UGCG: variants seen among roughly 807,000 people sequenced by gnomAD.
The protein encoded by UGCG is ceramide glucosyltransferase.
A neutral mutation model predicts 49.5 loss-of-function variants in UGCG; 10 were observed. The ratio of observed to expected loss-of-function variants is 0.20; its 90% confidence interval spans 0.12 to 0.34. UGCG has a LOEUF of 0.34. Ranked by LOEUF, UGCG falls within the 10% of genes least tolerant of loss-of-function variation. The pLI is 1.00. For missense variants in UGCG, 312 were observed against 483.7 expected (o/e 0.65, Z 3.33); for synonymous variants, 182 against 158.2 (o/e 1.15, Z -1.13).
At chr9:111,921,110 C>T (rs1360818408) in intron 2 of UGCG, among the ~76,000 whole-genome samples, 1 of 151,806 alleles carries the variant, frequency 6.6e-6, no homozygotes, top group Non-Finnish European at 1.5e-5. Context: ...CACCATGTTT[C>T]CCAGGCTGGT....
chr9:111,899,378 T>G lies in UGCG; in HGVS notation c.98+2065T>G, dbSNP rs190215885. Among the ~76,000 whole-genome samples, 8 of 152,364 alleles carry G rather than the reference T, an allele frequency of 5.3e-5. 1 individual carries two copies. Among genetic ancestry groups the G allele is most frequent in the Non-Finnish European group, 1.2e-4 (8 of 68,026 alleles). ...ATTTCACTGTTTTCTGTTTCTATTTTCATTCCTTTAAAGTTACATTGAGCA... is the reference window on the plus strand; with the variant it reads ...ATTTCACTGTTTTCTGTTTCTATTTGCATTCCTTTAAAGTTACATTGAGCA... On this transcript the variant is annotated intron_variant, in intron 1 of 8. Transcript: ENST00000374279.
chr9:111,900,945 G>A (rs929203478), intron 1 of UGCG, among the ~76,000 whole-genome samples: 6 of 151,592 alleles, frequency 4.0e-5, no homozygotes, highest in African/African-American at 1.5e-4. Context: ...TCCCAGGCTC[G>A]AGCAATTCTC....
chr9:111,924,719 C>A, intron 3 of UGCG, 58 bp from the exon 4 acceptor site: 1 of 862,586 alleles, frequency 1.2e-6, no homozygotes, highest in African/African-American at 1.8e-5. Context: ...TATCTTTATA[C>A]TATAAAATAT....
At chr9:111,926,538 C>T in intron 5 of UGCG, 42 bp downstream of exon 5, 5 of 1,436,076 alleles carry the variant, frequency 3.5e-6, no homozygotes, top group Non-Finnish European at 4.8e-6. Flanking sequence ...GTATCAGACC[C>T]CTCATTTCCC....
chr9:111,928,666 A>G (rs1400634461), intron 5 of UGCG, among the ~76,000 whole-genome samples: 3 of 152,230 alleles, frequency 2.0e-5, no homozygotes, highest in African/African-American at 4.8e-5. Context: ...AGCAAGAATC[A>G]TAATCATAAT....
intron 4 of UGCG, among the ~76,000 whole-genome samples, chr9:111,925,212 G>A (rs1381027883): frequency 6.6e-6 from 1 of 151,966 alleles, no homozygotes; most frequent in Non-Finnish European, 1.5e-5. Context: ...AATGTGTTTC[G>A]GCTTGCGTAA....
chr9:111,926,861 C>CTTTTTTTTTTTTT lies in UGCG; in HGVS notation c.558+382_558+394dup, dbSNP rs56298523. ...GAACCGCTGGCCCCCTCCCCCCAGC[C>CTTTTTTTTTTTTT]TTTTTTTTTTTTTTTTTTTTTTTTT... On this transcript the variant is annotated intron_variant, in intron 5 of 8. Coordinates refer to ENST00000374279, the MANE Select transcript of UGCG (RefSeq NM_003358.3). 1.4e-4 allele frequency among the ~76,000 whole-genome samples: 8 copies of CTTTTTTTTTTTTT among 56,874 alleles called. 2 individuals are homozygous for CTTTTTTTTTTTTT. Among genetic ancestry groups the CTTTTTTTTTTTTT allele is most frequent in the Non-Finnish European group, 2.2e-4 (6 of 27,516 alleles). 37.3% of individuals were successfully genotyped at this position (56,874 alleles called of 152,430 possible).
chr9:111,899,243 C>G (rs1483439151), intron 1 of UGCG, among the ~76,000 whole-genome samples: 1 of 152,180 alleles, frequency 6.6e-6, no homozygotes, highest in Non-Finnish European at 1.5e-5. Context: ...AAGTGGTGCA[C>G]ATTTTAAACT....
At position 111,934,241 on chromosome 9, in the gene UGCG, T is replaced by C. The variant is rs1392795134; in HGVS notation, c.*1244T>C. 1.3e-5 allele frequency: 2 copies of C among 152,070 alleles called. No individual in the cohort carries two copies. The highest frequency in any genetic ancestry group is 2.9e-5 in the Non-Finnish European group (2 of 68,012). 9.4% of individuals were successfully genotyped at this position (152,070 alleles called of 1,614,324 possible). A position where few individuals can be genotyped will look rare whatever the true frequency, so the allele number is the denominator to read the frequency against. ...ATGACAAAATAGACTAGATCAGCGC[T>C]GGTTGTAAATGCATGCTGTACCTCA... On this transcript the variant is annotated 3_prime_UTR_variant, in exon 9 of 9. Coordinates refer to ENST00000374279, the MANE Select transcript of UGCG (RefSeq NM_003358.3).
At position 111,933,126 on chromosome 9, in the gene UGCG, A is replaced by G; in HGVS notation, c.*129A>G. The G allele has an allele frequency of 8.0e-6, 7 of 876,658 alleles. No individual in the cohort carries two copies. The highest frequency in any genetic ancestry group is 1.0e-5 in the Non-Finnish European group (7 of 669,872). The allele number at this position is 876,658 out of a possible 1,614,324, so 54.3% of individuals were successfully genotyped here. A position where few individuals can be genotyped will look rare whatever the true frequency, so the allele number is the denominator to read the frequency against. On this transcript the variant is annotated 3_prime_UTR_variant, in exon 9 of 9. Coordinates refer to ENST00000374279, the MANE Select transcript of UGCG (RefSeq NM_003358.3). ...TGTTTTGGTATCTGTTCTTTAATTTATTTTTGCATGGCACTTGCATCTGTG... is the reference window on the plus strand; with the variant it reads ...TGTTTTGGTATCTGTTCTTTAATTTGTTTTTGCATGGCACTTGCATCTGTG...
At chr9:111,905,459 CTT>C (rs35643596) in intron 1 of UGCG, among the ~76,000 whole-genome samples, 3 of 145,796 alleles carry the variant, frequency 2.1e-5, no homozygotes, top group Admixed American at 6.9e-5. Flanking sequence ...ATGCATTACT[CTT>C]TTTTTTTTTT....
intron 2 of UGCG, 165 bp downstream of exon 2, chr9:111,914,911 A>T: frequency 7.9e-6 from 8 of 1,012,510 alleles, no homozygotes; most frequent in Non-Finnish European, 1.1e-5. Flanking sequence ...CAGAACAGAA[A>T]TAGGTTGAGG....
intron 1 of UGCG, among the ~76,000 whole-genome samples, chr9:111,898,095 A>G (rs1837699098): frequency 6.6e-6 from 1 of 151,098 alleles, no homozygotes. Flanking sequence ...AGGAGCAGAT[A>G]AAATCTAAAT....
At chr9:111,931,379 T>C in intron 7 of UGCG, 22 bp downstream of exon 7, 2 of 1,609,726 alleles carry the variant, frequency 1.2e-6, no homozygotes, top group Non-Finnish European at 1.7e-6. Flanking sequence ...GTTTTCTTTT[T>C]ATACTTCGTT....
At chr9:111,905,459 C>CT (rs35643596) in intron 1 of UGCG, among the ~76,000 whole-genome samples, 20,891 of 145,786 alleles carry the variant, frequency 0.14, 1,576 homozygotes, top group Middle Eastern at 0.22. Context: ...ATGCATTACT[C>CT]TTTTTTTTTT....
At chr9:111,931,211 C>A in intron 6 of UGCG, 60 bp from the exon 7 acceptor site, 4 of 1,508,850 alleles carry the variant, frequency 2.7e-6, no homozygotes, top group Non-Finnish European at 3.7e-6. Context: ...GAATGCATAA[C>A]CAGTTACGCT....
At chr9:111,922,240 G>A (rs2118570324) in intron 2 of UGCG, among the ~76,000 whole-genome samples, 1 of 152,248 alleles carries the variant, frequency 6.6e-6, no homozygotes, top group Admixed American at 6.5e-5. Flanking sequence ...GGCTAAGCAT[G>A]CATTTCAAGA....
At chr9:111,901,829 C>T (rs1040840692) in intron 1 of UGCG, among the ~76,000 whole-genome samples, 4 of 152,220 alleles carry the variant, frequency 2.6e-5, no homozygotes, top group Non-Finnish European at 5.9e-5. Flanking sequence ...GATGTTGAAG[C>T]TATGTCTACT....
Position 111,897,210 on chromosome 9 carries a change from CG to C in UGCG, c.-1del. 1 of 1,544,142 alleles carries C rather than the reference CG, an allele frequency of 6.5e-7. No individual in the cohort carries two copies. On this transcript the variant is annotated 5_prime_UTR_variant, in exon 1 of 9. Transcript: ENST00000374279. ...AGCGGGCCGGGCCGGTCCGGCGGGC[CG>C]GGGGATGGCGCTGCTGGACCTGGCC...
Sources: allele counts gnomAD v4.1 joint callset (sites outside exome capture counted in the v4.1 genomes callset), GRCh38; gene constraint gnomAD v4.1.1; transcripts MANE v1.5; gene names NCBI Gene and HGNC (gene_info 2026-07-23, HGNC 2026-07-21).